Variants in ETV1 observed in about 807,000 individuals in gnomAD.
The protein encoded by ETV1 is ETS variant transcription factor 1.
A neutral mutation model predicts 62.3 loss-of-function variants in ETV1; 27 were observed. That is an observed-to-expected ratio of 0.43 (90% CI 0.32 to 0.60). The LOEUF (loss-of-function observed/expected upper bound fraction) is 0.60. Among genes scored for constraint, ETV1 ranks in the 20% least tolerant of loss-of-function variants. The pLI is 0.06. For synonymous variants in ETV1, 222 were observed against 199.6 expected, an observed-to-expected ratio of 1.11 and a Z score of -0.94; for missense variants, 605 against 605.8, an observed-to-expected ratio of 1.00 and a Z score of 0.01.
At chr7:13,958,975 G>A (rs1426645265) in intron 6 of ETV1, 2 of 149,864 alleles carry the variant, frequency 1.3e-5, no homozygotes, top group Non-Finnish European at 3.0e-5. Context: ...TTCTCATTCT[G>A]TTGTAAGTCA....
intron 4 of ETV1, chr7:13,987,058 G>A (rs1782612058): frequency 5.3e-6 from 1 of 190,236 alleles, no homozygotes; most frequent in Non-Finnish European, 1.0e-5. Flanking sequence ...AATAGTAGTA[G>A]GGGGAAGATT....
chr7:13,922,305 A>C (rs921896598), intron 9 of ETV1, among the ~76,000 whole-genome samples: 1 of 152,238 alleles, frequency 6.6e-6, no homozygotes, highest in Admixed American at 6.5e-5. Context: ...TGACACTTCC[A>C]TACTTTCAAA....
intron 4 of ETV1, among the ~76,000 whole-genome samples, chr7:13,987,263 G>C (rs751658403): frequency 1.4e-4 from 21 of 151,996 alleles, no homozygotes; most frequent in Non-Finnish European, 2.9e-5. Context: ...ATAATTCTTT[G>C]GCACCAGGTT....
At chr7:13,914,024 C>T (rs1311136426) in intron 9 of ETV1, among the ~76,000 whole-genome samples, 2 of 151,842 alleles carry the variant, frequency 1.3e-5, no homozygotes, top group Non-Finnish European at 2.9e-5. Flanking sequence ...GCTGGGACTA[C>T]AGGCTCCCGC....
chr7:13,894,102 T>A lies in ETV1; in HGVS notation c.*1764A>T, dbSNP rs1253825823. 4.3e-6 allele frequency: 1 copy of A among 232,702 alleles called. No homozygotes were observed. Among genetic ancestry groups the A allele is most frequent in the Non-Finnish European group, 8.5e-6 (1 of 117,844 alleles). The allele number at this position is 232,702 out of a possible 1,614,324, so 14.4% of individuals were successfully genotyped here. A position where few individuals can be genotyped will look rare whatever the true frequency, so the allele number is the denominator to read the frequency against. Reference sequence around the variant, plus strand: ...GATCATCTTTAAACAATCTTTTTCATGCTCATCACGAAATGCTTTTACAAT... The same window carrying A: ...GATCATCTTTAAACAATCTTTTTCAAGCTCATCACGAAATGCTTTTACAAT... On this transcript the variant is annotated 3_prime_UTR_variant, in exon 14 of 14. Transcript: ENST00000430479.
chr7:13,986,822 G>C, intron 4 of ETV1, 137 bp from the exon 5 acceptor site: 1 of 666,990 alleles, frequency 1.5e-6, no homozygotes, highest in South Asian at 2.0e-5. Flanking sequence ...ATAAAAAAAA[G>C]AGGCATAACT....
intron 7 of ETV1, among the ~76,000 whole-genome samples, 194 bp from the exon 8 acceptor site, chr7:13,936,090 T>C (rs1240280187): frequency 1.3e-5 from 2 of 152,218 alleles, no homozygotes; most frequent in Non-Finnish European, 1.5e-5. Context: ...GAAAATAGGA[T>C]GATTAATGCA....
At position 13,895,288 on chromosome 7, in the gene ETV1, T is replaced by A. The variant is rs964223444; in HGVS notation, c.*578A>T. ...TCTGCAAGTCATATATAAAGCAAAA[T>A]AAAACAACAAACAGCAAATGCAATC... On this transcript the variant is annotated 3_prime_UTR_variant, in exon 14 of 14. Coordinates refer to ENST00000430479, the MANE Select transcript of ETV1 (RefSeq NM_004956.5). 18 of 233,884 alleles carry A rather than the reference T, an allele frequency of 7.7e-5. No homozygotes were observed. The highest frequency in any genetic ancestry group is 1.4e-4 in the Non-Finnish European group (16 of 118,234). 14.5% of individuals were successfully genotyped at this position (233,884 alleles called of 1,614,324 possible). A position where few individuals can be genotyped will look rare whatever the true frequency, so the allele number is the denominator to read the frequency against.
chr7:13,957,013 C>T (rs1467698724), intron 6 of ETV1, among the ~76,000 whole-genome samples: 2 of 152,094 alleles, frequency 1.3e-5, no homozygotes, highest in Non-Finnish European at 2.9e-5. Flanking sequence ...TGTTTAACTG[C>T]CTTTTTTTAA....
chr7:13,990,824 T>G (rs1297555609), upstream of ETV1: 2 of 152,190 alleles, frequency 1.3e-5, no homozygotes, highest in East Asian at 1.9e-4. Flanking sequence ...CCAGAACTAG[T>G]GACCAAAAGA....
At chr7:13,932,007 T>C (rs1238010701) in intron 8 of ETV1, among the ~76,000 whole-genome samples, 1 of 151,170 alleles carries the variant, frequency 6.6e-6, no homozygotes, top group Non-Finnish European at 1.5e-5. Context: ...TGAGTAAGGA[T>C]TGGAGAGCAA....
At chr7:13,910,557 A>G (rs1583593644) in intron 10 of ETV1, 3 of 486,362 alleles carry the variant, frequency 6.2e-6, no homozygotes, top group African/African-American at 2.1e-5. Flanking sequence ...AATAACCAAT[A>G]TTAGACCTAG....
chr7:13,979,032 G>A (rs60410662), intron 5 of ETV1, among the ~76,000 whole-genome samples: 2,768 of 152,060 alleles, frequency 0.018, 82 homozygotes, highest in African/African-American at 0.063. Context: ...TATATTGCAA[G>A]GAGAATTTTT....
At chr7:13,932,069 C>A (rs1786252365) in intron 8 of ETV1, among the ~76,000 whole-genome samples, 1 of 151,392 alleles carries the variant, frequency 6.6e-6, no homozygotes, top group Non-Finnish European at 1.5e-5. Flanking sequence ...CACACACACA[C>A]AACGATTAAT....
Position 13,988,559 on chromosome 7 carries a change from C to T in ETV1, c.46-386G>A, listed in dbSNP as rs1202655862. 27 of 794,568 alleles carry T rather than the reference C, an allele frequency of 3.4e-5. 1 individual carries two copies. Among genetic ancestry groups the T allele is most frequent in the Admixed American group, 4.7e-5 (1 of 21,184 alleles). The allele number at this position is 794,568 out of a possible 1,614,324, so 49.2% of individuals were successfully genotyped here. ...GGACAGCCCCTCCTCCCCACCCCAC[C>T]CCCACAAAAAAAAAAAGCAAAAAGA... On this transcript the variant is annotated intron_variant, in intron 3 of 13. Transcript: ENST00000430479.
At chr7:13,985,805 T>G (rs1414606112) in intron 5 of ETV1, among the ~76,000 whole-genome samples, 5 of 152,134 alleles carry the variant, frequency 3.3e-5, no homozygotes, top group Non-Finnish European at 7.4e-5. Context: ...CCAACAGAAG[T>G]CCCTCAACAT....
At chr7:13,947,452 T>C (rs1201133075) in intron 6 of ETV1, among the ~76,000 whole-genome samples, 1 of 150,684 alleles carries the variant, frequency 6.6e-6, no homozygotes, top group Non-Finnish European at 1.5e-5. Context: ...CAAAGAATTG[T>C]CCCATACTCT....
In ETV1 at chr7:13,988,183, G is replaced by T. The variant is rs773676354; in HGVS notation, c.46-10C>A. 3 of 1,588,268 alleles carry T rather than the reference G, an allele frequency of 1.9e-6. No homozygotes were observed. The highest frequency in any genetic ancestry group is 4.5e-5 in the East Asian group (2 of 44,768). ...TTCTCCCACGCTGACTCTACAAAGG[G>T]AAAGATAAAATCCTTTAAAAGAATG... is the stretch of plus-strand genomic sequence containing the variant. On this transcript the variant is annotated splice_polypyrimidine_tract_variant and intron_variant, in intron 3 of 13. Coordinates refer to ENST00000430479, the MANE Select transcript of ETV1 (RefSeq NM_004956.5).
In ETV1 at chr7:13,989,054, C is replaced by G; in HGVS notation, c.-2G>C. The G allele has an allele frequency of 1.2e-6, 2 of 1,601,192 alleles. No individual in the cohort carries two copies. Among genetic ancestry groups the G allele is most frequent in the Non-Finnish European group, 1.7e-6 (2 of 1,173,736 alleles). Reference sequence around the variant, plus strand: ...TTGCTGGTCATAAAATCCATCCATGCTGCTGCTCTTCGCAAATCTCAGCTC... The same window carrying G: ...TTGCTGGTCATAAAATCCATCCATGGTGCTGCTCTTCGCAAATCTCAGCTC... On this transcript the variant is annotated 5_prime_UTR_variant, in exon 3 of 14. Coordinates refer to ENST00000430479, the MANE Select transcript of ETV1 (RefSeq NM_004956.5).
Sources: gnomAD v4.1 joint callset for allele counts (sites outside exome capture counted in the v4.1 genomes callset) on GRCh38, gnomAD v4.1.1 for gene constraint, MANE v1.5 for transcripts, NCBI Gene and HGNC (gene_info 2026-07-23, HGNC 2026-07-21) for gene names.